Variants in NRG2 observed in about 807,000 individuals in gnomAD.
NRG2 encodes the protein neuregulin 2.
NRG2 carries 27 observed loss-of-function variants against 73.9 expected under a neutral mutation model. The ratio of observed to expected loss-of-function variants is 0.37; its 90% CI spans 0.27 to 0.50. NRG2 has a LOEUF of 0.50. NRG2 is among the 20% of genes least tolerant of loss of function. NRG2 has a pLI of 0.96. For synonymous variants in NRG2, 532 were observed against 541.0 expected (o/e 0.98, Z 0.23); for missense variants, 1,126 against 1,210.1 (o/e 0.93, Z 1.03).
At chr5:139,920,528 A>T (rs893455687) in intron 1 of NRG2, among the ~76,000 whole-genome samples, 2 of 151,954 alleles carry the variant, frequency 1.3e-5, no homozygotes, top group Non-Finnish European at 2.9e-5. Flanking sequence ...TATTACTTTC[A>T]CCTCTGTGTA....
At chr5:139,983,212 T>C (rs1756940318) in intron 1 of NRG2, among the ~76,000 whole-genome samples, 1 of 152,168 alleles carries the variant, frequency 6.6e-6, no homozygotes, top group Non-Finnish European at 1.5e-5. Context: ...CAGAGCAGGA[T>C]CCAGCCTATC....
chr5:139,889,276 T>A (rs1764063748), intron 1 of NRG2, among the ~76,000 whole-genome samples: 1 of 152,222 alleles, frequency 6.6e-6, no homozygotes, highest in Admixed American at 6.5e-5. Context: ...GACTTATATG[T>A]GTATTTGTTT....
intron 1 of NRG2, among the ~76,000 whole-genome samples, chr5:139,930,061 T>C (rs1752351266): frequency 6.6e-6 from 1 of 152,190 alleles, no homozygotes; most frequent in Admixed American, 6.5e-5. Flanking sequence ...TGTACCAAGA[T>C]TTTAACATGA....
intron 5 of NRG2, among the ~76,000 whole-genome samples, chr5:139,864,093 C>T (rs1028593455): frequency 3.9e-5 from 6 of 152,292 alleles, no homozygotes; most frequent in African/African-American, 1.4e-4. Flanking sequence ...TTCCACACTC[C>T]TCATGGGGCC....
Position 139,904,792 on chromosome 5 carries a change from G to C in NRG2, c.701-17281C>G, listed in dbSNP as rs1241584003. On this transcript the variant is annotated intron_variant, in intron 1 of 9. Coordinates refer to ENST00000361474, the MANE Select transcript of NRG2 (RefSeq NM_004883.3). The surrounding 1 kb of genome is among the most constrained non-coding windows in gnomAD (Gnocchi z 6.0). Reference sequence around the variant, plus strand: ...AGGGCCAGGCTAAGGACAGCATGGGGGTGGGGAGACAGCGAGGAAAGGGCC... The same window carrying C: ...AGGGCCAGGCTAAGGACAGCATGGGCGTGGGGAGACAGCGAGGAAAGGGCC... 6.6e-6 allele frequency among the ~76,000 whole-genome samples: 1 copy of C among 152,204 alleles called. No homozygotes were observed. The highest frequency in any genetic ancestry group is 2.4e-5 in the African/African-American group (1 of 41,466).
intron 1 of NRG2, among the ~76,000 whole-genome samples, chr5:139,893,976 C>A (rs1764389233): frequency 6.6e-6 from 1 of 152,168 alleles, no homozygotes; most frequent in South Asian, 2.1e-4. Context: ...GACAGGCCAT[C>A]CCCAGGAAGC....
chr5:139,920,612 G>C (rs546300357), intron 1 of NRG2, among the ~76,000 whole-genome samples: 1 of 152,322 alleles, frequency 6.6e-6, no homozygotes, highest in East Asian at 1.9e-4. Flanking sequence ...AAGTAGGGGG[G>C]ATCAGGTAAC....
At chr5:139,961,331 G>C (rs951037730) in intron 1 of NRG2, among the ~76,000 whole-genome samples, 7 of 151,914 alleles carry the variant, frequency 4.6e-5, no homozygotes, top group South Asian at 2.1e-4. Context: ...CTGTCTCTCT[G>C]AGAATTTCAG....
At chr5:139,967,691 G>C (rs1177154658) in intron 1 of NRG2, among the ~76,000 whole-genome samples, 1 of 152,152 alleles carries the variant, frequency 6.6e-6, no homozygotes, top group Admixed American at 6.5e-5. Flanking sequence ...AAGGAGAACA[G>C]GGCCGGGCAC....
At position 139,853,740 on chromosome 5, in the gene NRG2, T is replaced by TA. The variant is rs1761625731; in HGVS notation, c.1293-714dup. Reference sequence around the variant, plus strand: ...ACCCTTCATTGTGAACTCACGGAGATAGAGAGTAGAAGGATGGTTACCAGA... The same window carrying TA: ...ACCCTTCATTGTGAACTCACGGAGATAAGAGAGTAGAAGGATGGTTACCAGA... On this transcript the variant is annotated intron_variant, in intron 6 of 9. Coordinates refer to ENST00000361474, the MANE Select transcript of NRG2 (RefSeq NM_004883.3). This position sits in a 1 kb window ranked among gnomAD's most constrained non-coding sequence, Gnocchi z 4.1. Among the ~76,000 whole-genome samples the TA allele has an allele frequency of 6.6e-6, 1 of 151,638 alleles. No homozygotes were observed. The highest frequency in any genetic ancestry group is 2.4e-5 in the African/African-American group (1 of 41,214).
At chr5:139,970,052 T>G (rs1209086621) in intron 1 of NRG2, among the ~76,000 whole-genome samples, 1 of 152,182 alleles carries the variant, frequency 6.6e-6, no homozygotes, top group Admixed American at 6.5e-5. Context: ...CGAATAACCT[T>G]TAGAAGTCCC....
chr5:139,932,441 G>A (rs1317234085), intron 1 of NRG2, among the ~76,000 whole-genome samples: 1 of 151,850 alleles, frequency 6.6e-6, no homozygotes, highest in Non-Finnish European at 1.5e-5. Flanking sequence ...TCAAATACAT[G>A]AGACAGAGAA....
chr5:139,903,176 C>T (rs983168063), intron 1 of NRG2, among the ~76,000 whole-genome samples: 8 of 152,154 alleles, frequency 5.3e-5, no homozygotes, highest in Admixed American at 2.0e-4. Context: ...TTTTATGTTG[C>T]TGATCTGGTG....
intron 1 of NRG2, among the ~76,000 whole-genome samples, chr5:139,939,990 CAT>C (rs1444753120): frequency 1.3e-5 from 2 of 152,194 alleles, no homozygotes; most frequent in African/African-American, 4.8e-5. Context: ...TTGGGAAAGA[CAT>C]GGAGCAACTG....
At chr5:139,903,406 T>G (rs1765012073) in intron 1 of NRG2, among the ~76,000 whole-genome samples, 1 of 152,242 alleles carries the variant, frequency 6.6e-6, no homozygotes, top group Non-Finnish European at 1.5e-5. Context: ...TGCCTGTGAC[T>G]CGTACAAAAC....
At chr5:139,993,293 C>T (rs192735670) in intron 1 of NRG2, among the ~76,000 whole-genome samples, 130 of 152,310 alleles carry the variant, frequency 8.5e-4, no homozygotes, top group Non-Finnish European at 1.3e-3. Flanking sequence ...AAGAGCCCCA[C>T]AAAAATTCTC....
intron 1 of NRG2, among the ~76,000 whole-genome samples, chr5:139,975,521 G>C (rs958187893): frequency 3.9e-5 from 6 of 152,358 alleles, no homozygotes; most frequent in Non-Finnish European, 8.8e-5. Context: ...CAGACACAAA[G>C]CCAGGTGCCA....
chr5:139,929,514 C>T (rs1299289226), intron 1 of NRG2, among the ~76,000 whole-genome samples: 1 of 152,108 alleles, frequency 6.6e-6, no homozygotes, highest in Non-Finnish European at 1.5e-5. Context: ...ATTCCTGCTT[C>T]CTAGGGGATG....
chr5:139,997,141 T>C (rs1758081282), intron 1 of NRG2, among the ~76,000 whole-genome samples: 1 of 151,916 alleles, frequency 6.6e-6, no homozygotes, highest in Admixed American at 6.6e-5. Flanking sequence ...AGATCCTGTG[T>C]CACCACAAAA....
Sources: gnomAD v4.1 joint callset for allele counts (sites outside exome capture counted in the v4.1 genomes callset) on GRCh38, gnomAD v4.1.1 for gene constraint, Gnocchi (gnomAD v3.1) non-coding constraint, MANE v1.5 for transcripts, NCBI Gene and HGNC (gene_info 2026-07-23, HGNC 2026-07-21) for gene names.